The following KIAA1217 variants were observed in gnomAD, a reference collection of about 807,000 sequenced individuals.
The protein encoded by KIAA1217 is sickle tail protein homolog.
A neutral mutation model predicts 163.9 loss-of-function variants in KIAA1217; 88 were observed. The ratio of observed to expected loss-of-function variants is 0.54; its 90% CI spans 0.45 to 0.64. KIAA1217 has a LOEUF of 0.64. Among genes scored for constraint, KIAA1217 ranks in the 30% least tolerant of loss-of-function variants. The probability of loss-of-function intolerance (pLI) is 0.00; values close to 1 mark genes in which losing one functional copy is unlikely to be tolerated. For missense variants in KIAA1217, 2,372 were observed against 2,475.0 expected (o/e 0.96, Z 0.88); for synonymous variants, 903 against 923.1 (o/e 0.98, Z 0.39).
chr10:23,723,960 C>T (rs749266237), intron 1 of KIAA1217, among the ~76,000 whole-genome samples: 15 of 152,096 alleles, frequency 9.9e-5, no homozygotes, highest in African/African-American at 2.2e-4. Context: ...CAGGAAGCTT[C>T]GAATCATAGC....
chr10:23,998,342 G>T (rs1846592399), intron 1 of KIAA1217, among the ~76,000 whole-genome samples: 1 of 152,132 alleles, frequency 6.6e-6, no homozygotes, highest in Non-Finnish European at 1.5e-5. Flanking sequence ...ACCCCAAGAG[G>T]TTGTCTGGTC....
At chr10:24,545,719 G>T in intron 20 of KIAA1217, 108 bp from the exon 21 acceptor site, 1 of 1,509,820 alleles carries the variant, frequency 6.6e-7, no homozygotes. Flanking sequence ...GTGTTTGGTT[G>T]GTTTTCTTTG....
chr10:24,095,328 C>T lies in KIAA1217; in HGVS notation c.-171+87954C>T, dbSNP rs138840164. ...TGCAGAAATCACCCATCTTCTGCGT[C>T]GCTCATGCTGGGAGCCGTAGACCGG... On this transcript the variant is annotated intron_variant, in intron 2 of 18. Transcript: ENST00000376462. Among the ~76,000 whole-genome samples, 564 of 152,274 alleles carry T rather than the reference C, an allele frequency of 3.7e-3. 2 individuals carry two copies. The highest frequency in any genetic ancestry group is 4.6e-3 in the Non-Finnish European group (315 of 68,034).
intron 1 of KIAA1217, among the ~76,000 whole-genome samples, chr10:23,918,954 G>A (rs903713600): frequency 6.6e-6 from 1 of 152,094 alleles, no homozygotes; most frequent in African/African-American, 2.4e-5. Flanking sequence ...ACATGGGGAA[G>A]CCAGGTCTCT....
chr10:24,220,069 G>A (rs573870560), intron 2 of KIAA1217, among the ~76,000 whole-genome samples, 160 bp downstream of exon 2: 7 of 152,298 alleles, frequency 4.6e-5, no homozygotes, highest in Admixed American at 2.0e-4. Context: ...GGAGGAAGCC[G>A]GGTGTAGAAA....
intron 16 of KIAA1217, among the ~76,000 whole-genome samples, chr10:24,534,440 G>A (rs1205216968): frequency 6.6e-6 from 1 of 152,158 alleles, no homozygotes; most frequent in Non-Finnish European, 1.5e-5. Flanking sequence ...ACCTCTCTAA[G>A]AGAAATACTA....
chr10:23,960,217 A>T (rs1272835169), intron 1 of KIAA1217, among the ~76,000 whole-genome samples: 1 of 148,738 alleles, frequency 6.7e-6, no homozygotes, highest in Non-Finnish European at 1.5e-5. Context: ...GCCCGGCCAG[A>T]ATTCTTTTAT....
rs187372587 is a variant in KIAA1217 at position 24,062,419 on chromosome 10, C to G, written c.-171+55045C>G. ...TTTTTGGTCCTTGAGATAGTTTGCT[C>G]AGAATGATGGTTTCCAGCTTCATCC... On this transcript the variant is annotated intron_variant, in intron 2 of 18. Coordinates refer to the KIAA1217 transcript ENST00000376462. Among the ~76,000 whole-genome samples the G allele has an allele frequency of 7.1e-4, 107 of 150,730 alleles. No homozygotes were observed. In the East Asian group the frequency reaches 0.018, roughly 25 times the overall value.
intron 1 of KIAA1217, among the ~76,000 whole-genome samples, chr10:23,824,658 A>ATTATATATATATATATAT (rs1379535101): frequency 3.8e-5 from 2 of 53,056 alleles, no homozygotes; most frequent in African/African-American, 1.3e-4. Context: ...AAATAAAAAA[A>ATTATATATATATATATAT]ATATATATAT....
chr10:23,729,189 C>T (rs1838335487), intron 1 of KIAA1217, among the ~76,000 whole-genome samples: 1 of 152,174 alleles, frequency 6.6e-6, no homozygotes, highest in Non-Finnish European at 1.5e-5. Flanking sequence ...TTTACTTACT[C>T]ATCCACCTAC....
At chr10:23,961,084 G>A (rs1359020613) in intron 1 of KIAA1217, among the ~76,000 whole-genome samples, 1 of 152,100 alleles carries the variant, frequency 6.6e-6, no homozygotes, top group Admixed American at 6.5e-5. Context: ...CACTTTAAAG[G>A]TAGGAATTTT....
chr10:24,437,339 C>G (rs2060127040), intron 4 of KIAA1217, among the ~76,000 whole-genome samples: 1 of 152,190 alleles, frequency 6.6e-6, no homozygotes, highest in Non-Finnish European at 1.5e-5. Flanking sequence ...CTAGTCATTG[C>G]TTCAAAGCAA....
Position 24,119,940 on chromosome 10 carries a change from T to A in KIAA1217, c.-170-99686T>A, listed in dbSNP as rs146131513. Among the ~76,000 whole-genome samples, 27 of 152,352 alleles carry A rather than the reference T, an allele frequency of 1.8e-4. No individual in the cohort carries two copies. In the East Asian group the frequency reaches 4.6e-3, roughly 26 times the overall value. On this transcript the variant is annotated intron_variant, in intron 2 of 18. Transcript: ENST00000376462. ...CCAAGGCTCTCTACGGACCAGCATG[T>A]CTGCAGGAGAAAGACAATGGGTGAA...
intron 1 of KIAA1217, among the ~76,000 whole-genome samples, chr10:23,722,327 A>G (rs1449064493): frequency 6.6e-6 from 1 of 152,176 alleles, no homozygotes. Context: ...TACTTGAAGC[A>G]ATTGAACTGT....
At position 24,219,868 on chromosome 10, in the gene KIAA1217, G is replaced by C; in HGVS notation, c.313G>C (p.Ala105Pro). The change falls in exon 2 of 21, where the codon GCC becomes CCC. Residue 105 changes from alanine to proline, a missense_variant. This residue lies in a region of KIAA1217 where 1,431 missense variants were observed against 1,470.3 expected (regional missense o/e 0.97). Coordinates refer to ENST00000376454, the MANE Select transcript of KIAA1217 (RefSeq NM_019590.5). Reference sequence around the variant, plus strand: ...TCTGAAGCAGAAGTACCCCCACCACGCCTCTGCAATCATGGGTCACCAAGA... The same window carrying C: ...TCTGAAGCAGAAGTACCCCCACCACCCCTCTGCAATCATGGGTCACCAAGA... ...EHLKQKYPHH[A>P]SAIMGHQERL... 2.5e-6 allele frequency: 4 copies of C among 1,611,806 alleles called. No individual in the cohort carries two copies. The highest frequency in any genetic ancestry group is 3.4e-6 in the Non-Finnish European group (4 of 1,178,862).
chr10:24,469,240 C>A (rs564511628), intron 5 of KIAA1217, among the ~76,000 whole-genome samples: 1 of 152,140 alleles, frequency 6.6e-6, no homozygotes, highest in African/African-American at 2.4e-5. Context: ...ATTCGTGTGC[C>A]TCAGCCTCCT....
At position 23,790,414 on chromosome 10, in the gene KIAA1217, C is replaced by T. The variant is rs1298178667; in HGVS notation, c.-321+95180C>T. ...ATGTATATATACATATATACATATACATATATACATATATACATATACATA... is the reference window on the plus strand; with the variant it reads ...ATGTATATATACATATATACATATATATATATACATATATACATATACATA... On this transcript the variant is annotated intron_variant, in intron 1 of 18. Coordinates refer to the KIAA1217 transcript ENST00000376462. Among the ~76,000 whole-genome samples, 89 of 68,782 alleles carry T rather than the reference C, an allele frequency of 1.3e-3. 7 individuals are homozygous for T. The highest frequency in any genetic ancestry group is 2.2e-3 in the Admixed American group (14 of 6,340). The allele number at this position is 68,782 out of a possible 152,430, so 45.1% of individuals were successfully genotyped here.
chr10:24,131,002 A>AG, intron 2 of KIAA1217, among the ~76,000 whole-genome samples: 1 of 152,310 alleles, frequency 6.6e-6, no homozygotes, highest in Non-Finnish European at 1.5e-5. Flanking sequence ...TTCTTCCTCC[A>AG]GGGGGAATAA....
Position 24,044,155 on chromosome 10 carries a change from A to G in KIAA1217, c.-171+36781A>G, listed in dbSNP as rs866893073. ...TCATGTTTGTTTTTATTCTTTAATC[A>G]GTATTTTTTAAATCCAACACATTGT... On this transcript the variant is annotated intron_variant, in intron 2 of 18. Transcript: ENST00000376462. Among the ~76,000 whole-genome samples, 100 of 152,292 alleles carry G rather than the reference A, an allele frequency of 6.6e-4. 1 individual carries two copies. The highest frequency in any genetic ancestry group is 2.3e-3 in the African/African-American group (95 of 41,592).
Sources: gnomAD v4.1 joint callset for allele counts (sites outside exome capture counted in the v4.1 genomes callset) on GRCh38, gnomAD v4.1.1 for gene constraint, gnomAD v4.1.1 regional missense constraint, MANE v1.5 for transcripts, NCBI Gene and HGNC (gene_info 2026-07-23, HGNC 2026-07-21) for gene names.